Variants in NRG3 observed in about 807,000 individuals in gnomAD.
NRG3 encodes the protein neuregulin 3.
Under a neutral mutation model 66.9 loss-of-function variants are expected in NRG3, and 31 were observed. That is an observed-to-expected ratio of 0.46 (90% CI 0.35 to 0.63). The LOEUF (loss-of-function observed/expected upper bound fraction) is 0.63. Ranked by LOEUF, NRG3 falls within the 20% of genes least tolerant of loss-of-function variation. NRG3 has a pLI of 0.00. For missense variants in NRG3, 910 were observed against 878.9 expected (o/e 1.04, Z -0.45); for synonymous variants, 393 against 359.4 (o/e 1.09, Z -1.06).
intron 2 of NRG3, among the ~76,000 whole-genome samples, chr10:82,680,238 C>T (rs1265716046): frequency 1.3e-5 from 2 of 152,148 alleles, no homozygotes; most frequent in Non-Finnish European, 2.9e-5. Flanking sequence ...CAATGCCTCA[C>T]ATCTAATAAC....
chr10:82,842,574 T>G (rs971117970), intron 3 of NRG3, among the ~76,000 whole-genome samples: 1 of 152,224 alleles, frequency 6.6e-6, no homozygotes, highest in Admixed American at 6.5e-5. Flanking sequence ...GTCTTTGCTG[T>G]GTAGGGCTTT....
chr10:82,904,786 G>C (rs1844569703), intron 4 of NRG3, among the ~76,000 whole-genome samples: 2 of 152,082 alleles, frequency 1.3e-5, no homozygotes, highest in South Asian at 4.1e-4. Flanking sequence ...GGTTTCAATG[G>C]TGATAATGAT....
intron 2 of NRG3, among the ~76,000 whole-genome samples, chr10:82,430,887 T>C (rs2089761349): frequency 6.6e-6 from 1 of 152,288 alleles, no homozygotes; most frequent in East Asian, 1.9e-4. Flanking sequence ...TGTTTACAAC[T>C]CTGTTTTAAC....
chr10:82,907,416 A>G (rs1844851158), intron 4 of NRG3, among the ~76,000 whole-genome samples: 1 of 152,232 alleles, frequency 6.6e-6, no homozygotes, highest in Admixed American at 6.5e-5. Context: ...CATGGATTCT[A>G]TTGTAGTCTC....
chr10:82,475,211 G>A (rs530883811), intron 2 of NRG3, among the ~76,000 whole-genome samples: 1 of 152,006 alleles, frequency 6.6e-6, no homozygotes, highest in Non-Finnish European at 1.5e-5. Flanking sequence ...CCAACCTTTA[G>A]CTAGATTAAC....
At chr10:82,217,398 T>A (rs1357738847) in intron 1 of NRG3, among the ~76,000 whole-genome samples, 1 of 152,158 alleles carries the variant, frequency 6.6e-6, no homozygotes, top group Non-Finnish European at 1.5e-5. Context: ...CTTGCTAGAT[T>A]CTGAGGCTCC....
intron 4 of NRG3, among the ~76,000 whole-genome samples, chr10:82,876,488 C>CT (rs1329750402): frequency 6.6e-6 from 1 of 151,964 alleles, no homozygotes; most frequent in Non-Finnish European, 1.5e-5. Context: ...AATTATTGAA[C>CT]TTTTTGTAAA....
intron 1 of NRG3, among the ~76,000 whole-genome samples, chr10:82,199,746 G>A (rs2133458376): frequency 6.6e-6 from 1 of 151,934 alleles, no homozygotes; most frequent in Non-Finnish European, 1.5e-5. Context: ...AAGGGTCAAG[G>A]AAGCTATCTA....
At position 82,636,052 on chromosome 10, in the gene NRG3, T is replaced by C. The variant is rs771624302; in HGVS notation, c.954-102525T>C. On this transcript the variant is annotated intron_variant, in intron 2 of 8. Transcript: ENST00000372141. ...ATGGAAGATTGGTTATATGTAGTAATATTAATCCATAAGTAAATATATTAA... is the reference window on the plus strand; with the variant it reads ...ATGGAAGATTGGTTATATGTAGTAACATTAATCCATAAGTAAATATATTAA... 5.9e-5 allele frequency among the ~76,000 whole-genome samples: 9 copies of C among 152,134 alleles called. 1 individual carries two copies. In the South Asian group the frequency reaches 1.2e-3, roughly 21 times the overall value.
intron 2 of NRG3, among the ~76,000 whole-genome samples, chr10:82,703,474 A>T (rs2056053974): frequency 6.6e-6 from 1 of 152,082 alleles, no homozygotes; most frequent in African/African-American, 2.4e-5. Flanking sequence ...CTATCTTGCT[A>T]CTCACTGCAG....
Position 82,886,317 on chromosome 10 carries a change from T to G in NRG3, c.1054+20880T>G, listed in dbSNP as rs1447283693. On this transcript the variant is annotated intron_variant, in intron 4 of 8. Coordinates refer to ENST00000372141, the MANE Select transcript of NRG3 (RefSeq NM_001010848.4). ...ACTCATTTATCTTTTACAAAGGCAC[T>G]TCCTTTCTTTATTTGGAGCTCAACC... Among the ~76,000 whole-genome samples the G allele has an allele frequency of 2.6e-5, 4 of 152,214 alleles. No individual in the cohort carries two copies. The East Asian group carries it at 7.7e-4, about 29-fold the overall frequency.
intron 1 of NRG3, among the ~76,000 whole-genome samples, chr10:82,339,250 G>A (rs2082552813): frequency 6.6e-6 from 1 of 152,126 alleles, no homozygotes; most frequent in Admixed American, 6.6e-5. Context: ...TGTATTTTTA[G>A]TCAGTAACTG....
At chr10:82,854,678 T>A (rs2063722007) in intron 3 of NRG3, among the ~76,000 whole-genome samples, 1 of 152,176 alleles carries the variant, frequency 6.6e-6, no homozygotes, top group African/African-American at 2.4e-5. Flanking sequence ...GAAGAGTAGT[T>A]AACAAAATCA....
chr10:82,630,477 A>G (rs1457080022), intron 2 of NRG3, among the ~76,000 whole-genome samples: 2 of 151,234 alleles, frequency 1.3e-5, no homozygotes, highest in Non-Finnish European at 2.9e-5. Flanking sequence ...GCTACTGTTT[A>G]TCTTTAGATA....
intron 2 of NRG3, among the ~76,000 whole-genome samples, chr10:82,683,597 A>G (rs1451842660): frequency 6.6e-6 from 1 of 152,218 alleles, no homozygotes; most frequent in Admixed American, 6.5e-5. Flanking sequence ...GGAGGCTTAC[A>G]TGAGATTTTC....
intron 1 of NRG3, among the ~76,000 whole-genome samples, chr10:82,158,694 G>T (rs928190011): frequency 6.6e-6 from 1 of 151,648 alleles, no homozygotes; most frequent in Non-Finnish European, 1.5e-5. Flanking sequence ...CATTCCTTTG[G>T]GCTTATGTAC....
intron 8 of NRG3, among the ~76,000 whole-genome samples, chr10:82,979,968 CT>C (rs1852679492): frequency 6.6e-6 from 1 of 152,168 alleles, no homozygotes; most frequent in African/African-American, 2.4e-5. Flanking sequence ...CTTTGGGAGG[CT>C]GAGGCATGCA....
chr10:82,082,983 A>T (rs148170765), intron 1 of NRG3, among the ~76,000 whole-genome samples: 43 of 151,526 alleles, frequency 2.8e-4, no homozygotes, highest in African/African-American at 9.5e-4. Context: ...CTTTGTCACC[A>T]GGCTAGGGTG....
At chr10:82,181,519 G>A (rs1012288090) in intron 1 of NRG3, among the ~76,000 whole-genome samples, 1 of 151,724 alleles carries the variant, frequency 6.6e-6, no homozygotes, top group Non-Finnish European at 1.5e-5. Flanking sequence ...TTTTAATTCA[G>A]TGGTTGTTCC....
Sources: allele counts gnomAD v4.1 joint callset (sites outside exome capture counted in the v4.1 genomes callset), GRCh38; gene constraint gnomAD v4.1.1; transcripts MANE v1.5; gene names NCBI Gene and HGNC (gene_info 2026-07-23, HGNC 2026-07-21).